NVL: variants seen among roughly 807,000 people sequenced by gnomAD.
NVL encodes nuclear VCP like, also known as nuclear valosin-containing protein-like.
Under a neutral mutation model 110.2 loss-of-function variants are expected in NVL, and 84 were observed. The observed-to-expected ratio is 0.76, with a 90% CI of 0.64 to 0.91. NVL has a LOEUF of 0.91. Ranked by LOEUF, NVL falls within the 40% of genes least tolerant of loss-of-function variation. The pLI, the probability that NVL is intolerant of heterozygous loss-of-function variation, is 0.00. For missense variants in NVL, 882 were observed against 1,035.9 expected (o/e 0.85, Z 2.04); for synonymous variants, 354 against 361.1 (o/e 0.98, Z 0.22).
chr1:224,277,319 T>C (rs1238684519), intron 16 of NVL, among the ~76,000 whole-genome samples: 1 of 152,176 alleles, frequency 6.6e-6, no homozygotes, highest in Non-Finnish European at 1.5e-5. Flanking sequence ...TGTACAAATA[T>C]AGTAGACTTT....
intron 16 of NVL, among the ~76,000 whole-genome samples, chr1:224,279,807 C>G (rs187556056): frequency 2.5e-3 from 379 of 152,192 alleles, no homozygotes; most frequent in Non-Finnish European, 4.8e-3. Flanking sequence ...TCAGTAAGCA[C>G]TAACATTTCC....
chr1:224,263,544 T>C (rs894977763), intron 18 of NVL, among the ~76,000 whole-genome samples: 1 of 152,240 alleles, frequency 6.6e-6, no homozygotes, highest in African/African-American at 2.4e-5. Flanking sequence ...CAAAACATTT[T>C]ACCCAGTATA....
At chr1:224,320,307 G>A (rs1401169951) in intron 2 of NVL, among the ~76,000 whole-genome samples, 1 of 152,166 alleles carries the variant, frequency 6.6e-6, no homozygotes, top group Non-Finnish European at 1.5e-5. Context: ...GACATTCTAG[G>A]TAGAGTATAT....
At chr1:224,298,213 A>C (rs1668059897) in intron 10 of NVL, 1 of 205,818 alleles carries the variant, frequency 4.9e-6, no homozygotes, top group Non-Finnish European at 9.7e-6. Context: ...CAAAAAAGAA[A>C]AGAAGAGAAG....
In NVL at chr1:224,289,622, T is replaced by TC; in HGVS notation, c.1436dup (p.Glu480ArgfsTer9). 6.2e-7 allele frequency: 1 copy of TC among 1,614,272 alleles called. No homozygotes were observed. Among genetic ancestry groups the TC allele is most frequent in the South Asian group, 1.1e-5 (1 of 91,090 alleles). ...TATTGACTGCACACATTGCTGCCTC[T>TC]CGGCACAGTGCCATGAGATCAGCAC... On this transcript the variant is annotated frameshift_variant, in exon 13 of 23. Coordinates refer to ENST00000281701, the MANE Select transcript of NVL (RefSeq NM_002533.4). LOFTEE classifies it high-confidence loss of function.
At chr1:224,322,243 A>ATT (rs34841668) in intron 2 of NVL, among the ~76,000 whole-genome samples, 3,143 of 131,754 alleles carry the variant, frequency 0.024, 62 homozygotes, top group African/African-American at 0.036. Flanking sequence ...TGCCACGCTA[A>ATT]TTTTTTTTTT....
chr1:224,265,332 T>C (rs964806026), intron 18 of NVL, among the ~76,000 whole-genome samples: 9 of 151,598 alleles, frequency 5.9e-5, no homozygotes, highest in Admixed American at 1.3e-4. Context: ...GGTGAAACCC[T>C]GTCTCTACTA....
Position 224,295,960 on chromosome 1 carries a change from C to CAA in NVL, c.1180+539_1180+540dup, listed in dbSNP as rs942085228. Among the ~76,000 whole-genome samples, 374 of 40,754 alleles carry CAA rather than the reference C, an allele frequency of 9.2e-3. 2 individuals are homozygous for CAA. Among genetic ancestry groups the CAA allele is most frequent in the African/African-American group, 0.016 (162 of 10,290 alleles). 26.7% of individuals were successfully genotyped at this position (40,754 alleles called of 152,430 possible). On this transcript the variant is annotated intron_variant, in intron 11 of 22. Transcript: ENST00000281701. ...AGCCTAGGCAACAGAGACTCTGTCT[C>CAA]AAAAAAAAAAAAAAAAAAAAAAAAG... is the stretch of plus-strand genomic sequence containing the variant.
chr1:224,294,044 C>T (rs1034012011), intron 12 of NVL, among the ~76,000 whole-genome samples: 2 of 152,218 alleles, frequency 1.3e-5, no homozygotes, highest in African/African-American at 4.8e-5. Flanking sequence ...AAGTGATCCT[C>T]CTGCCTCGGC....
chr1:224,272,958 C>T (rs1359956694), intron 17 of NVL, among the ~76,000 whole-genome samples: 3 of 139,836 alleles, frequency 2.1e-5, no homozygotes, highest in Admixed American at 7.2e-5. Flanking sequence ...GGCGTGAACC[C>T]GGGAGGCGGA....
chr1:224,308,182 C>T lies in NVL; in HGVS notation c.424G>A (p.Glu142Lys), dbSNP rs777150957. 1 of 1,614,044 alleles carries T rather than the reference C, an allele frequency of 6.2e-7. No homozygotes were observed. The highest frequency in any genetic ancestry group is 1.7e-5 in the Admixed American group (1 of 60,010). Residue 142 changes from glutamate to lysine, a missense_variant, in exon 6 of 23, where the codon GAG becomes AAG. Glu to Lys is a moderately conservative substitution (Grantham distance 56, BLOSUM62 1). Coordinates refer to ENST00000281701, the MANE Select transcript of NVL (RefSeq NM_002533.4). ...GTTGAAGAGGTGGTTTCTCTTTGCT[C>T]CATCTCAGGAGTATTTGAAACAGAA... ...PDSVSNTPEMEQRETTSSTPR... is the reference protein window; with the variant it reads ...PDSVSNTPEMKQRETTSSTPR...
At chr1:224,263,542 T>C (rs532093268) in intron 18 of NVL, among the ~76,000 whole-genome samples, 1 of 152,318 alleles carries the variant, frequency 6.6e-6, no homozygotes, top group Admixed American at 6.5e-5. Context: ...GGCAAAACAT[T>C]TTACCCAGTA....
rs1011155050 is a variant in NVL at position 224,278,055 on chromosome 1, G to A, written c.1963-2597C>T. 2.0e-5 allele frequency among the ~76,000 whole-genome samples: 3 copies of A among 152,006 alleles called. No individual in the cohort carries two copies. The East Asian group carries it at 5.8e-4, about 29-fold the overall frequency. The stretch of plus-strand genomic sequence containing the variant: ...CCTACCAGACTGAACCCATTCCCAT[G>A]GTTTTAGATGCCACTTGGATGATAG... On this transcript the variant is annotated intron_variant, in intron 16 of 22. Transcript: ENST00000281701.
chr1:224,254,193 G>T (rs1229311477), intron 18 of NVL, among the ~76,000 whole-genome samples: 1 of 151,704 alleles, frequency 6.6e-6, no homozygotes, highest in African/African-American at 2.4e-5. Context: ...CCGGGTTCAA[G>T]TTCATTCTCC....
At chr1:224,272,989 C>G (rs1325769766) in intron 17 of NVL, among the ~76,000 whole-genome samples, 3 of 143,882 alleles carry the variant, frequency 2.1e-5, no homozygotes, top group African/African-American at 7.7e-5. Context: ...AGCCGAGATC[C>G]CGCCACTGCA....
At chr1:224,317,442 A>AT (rs1670199604) in intron 4 of NVL, among the ~76,000 whole-genome samples, 1 of 152,172 alleles carries the variant, frequency 6.6e-6, no homozygotes, top group Non-Finnish European at 1.5e-5. Context: ...ATTTCAACTG[A>AT]TTCTTGAGGG....
chr1:224,329,669 C>T (rs999898363), intron 1 of NVL, among the ~76,000 whole-genome samples: 46 of 152,158 alleles, frequency 3.0e-4, no homozygotes, highest in African/African-American at 1.1e-3. Context: ...TCCTTGAGAA[C>T]GGAAATTAAC....
At chr1:224,285,830 A>G (rs969653904) in intron 15 of NVL, among the ~76,000 whole-genome samples, 196 bp downstream of exon 15, 6 of 152,222 alleles carry the variant, frequency 3.9e-5, no homozygotes, top group African/African-American at 1.4e-4. Context: ...GGTTGATATA[A>G]ACATTTTTCA....
chr1:224,263,490 C>T (rs2102806477), intron 18 of NVL, among the ~76,000 whole-genome samples: 1 of 152,286 alleles, frequency 6.6e-6, no homozygotes, highest in African/African-American at 2.4e-5. Flanking sequence ...TGGTCTTTTT[C>T]TAAAGTGTCC....
Sources: gnomAD v4.1 joint callset for allele counts (sites outside exome capture counted in the v4.1 genomes callset) on GRCh38, gnomAD v4.1.1 for gene constraint, MANE v1.5 for transcripts, NCBI Gene and HGNC (gene_info 2026-07-23, HGNC 2026-07-21) for gene names.